The following UBN2 variants were observed in gnomAD, a reference collection of about 807,000 sequenced individuals.
UBN2 encodes ubinuclein 2, also known as ubinuclein-2.
UBN2 carries 35 observed loss-of-function variants against 120.2 expected under a neutral mutation model. The observed-to-expected ratio is 0.29, with a 90% CI of 0.22 to 0.39. The LOEUF is 0.39. Ranked by LOEUF, UBN2 falls within the 10% of genes least tolerant of loss-of-function variation. The pLI is 1.00. For missense variants in UBN2, 1,693 were observed against 1,663.2 expected (o/e 1.02, Z -0.31); for synonymous variants, 661 against 648.7 (o/e 1.02, Z -0.29).
At chr7:139,255,669 A>G (rs1465947054) in intron 3 of UBN2, among the ~76,000 whole-genome samples, 1 of 152,144 alleles carries the variant, frequency 6.6e-6, no homozygotes, top group East Asian at 1.9e-4. Context: ...TAAAACAACT[A>G]TGGTCGAACC....
chr7:139,284,116 G>A lies in UBN2; in HGVS notation c.3211G>A (p.Val1071Ile), dbSNP rs1313240829. The A allele has an allele frequency of 6.2e-7, 1 of 1,613,960 alleles. No homozygotes were observed. The highest frequency in any genetic ancestry group is 1.1e-5 in the South Asian group (1 of 91,080). The change falls in exon 15 of 18, where the codon GTA becomes ATA. Residue 1071 changes from valine to isoleucine, a missense_variant. Around this residue, in one of 5 missense-constraint regions of UBN2, gnomAD observed 837 missense variants for 817.6 expected, o/e 1.02. Coordinates refer to ENST00000473989, the MANE Select transcript of UBN2 (RefSeq NM_173569.4). ...GCCCTCTCTGTCAGCTAAGCCTTCA[G>A]TATCAACTAAACTTATTTCTAAATC... is the stretch of plus-strand genomic sequence containing the variant. ...PKPSLSAKPSVSTKLISKSNP... is the reference protein window; with the variant it reads ...PKPSLSAKPSISTKLISKSNP...
rs1798158503 is a variant in UBN2 at position 139,297,970 on chromosome 7, G to A, written c.*134G>A. 1 of 958,038 alleles carries A rather than the reference G, an allele frequency of 1.0e-6. No homozygotes were observed. The highest frequency in any genetic ancestry group is 1.7e-5 in the African/African-American group (1 of 60,108). The allele number at this position is 958,038 out of a possible 1,614,324, so 59.3% of individuals were successfully genotyped here. A position where few individuals can be genotyped will look rare whatever the true frequency, so the allele number is the denominator to read the frequency against. On this transcript the variant is annotated 3_prime_UTR_variant, in exon 18 of 18. Coordinates refer to ENST00000473989, the MANE Select transcript of UBN2 (RefSeq NM_173569.4). The stretch of plus-strand genomic sequence containing the variant: ...CTCTCGTCCCAAGCACTGTGGTGAG[G>A]AGGAAAAAGAAAAGAAAACATTACT...
chr7:139,238,800 A>G (rs1796232491), intron 2 of UBN2, among the ~76,000 whole-genome samples: 3 of 152,194 alleles, frequency 2.0e-5, no homozygotes, highest in Non-Finnish European at 2.9e-5. Flanking sequence ...CTGTGACTAT[A>G]TAATAATAAA....
chr7:139,287,134 T>TA (rs1298666938), intron 15 of UBN2, among the ~76,000 whole-genome samples: 1 of 152,216 alleles, frequency 6.6e-6, no homozygotes, highest in African/African-American at 2.4e-5. Context: ...AGATTGGAGT[T>TA]AGTCTGCATT....
chr7:139,259,520 T>G, intron 5 of UBN2, 150 bp downstream of exon 5: 1 of 1,104,138 alleles, frequency 9.1e-7, no homozygotes, highest in Non-Finnish European at 1.2e-6. Flanking sequence ...TTAATAGTAT[T>G]GTAGTATTTG....
chr7:139,289,155 T>G (rs1268586469), intron 15 of UBN2, among the ~76,000 whole-genome samples: 2 of 152,214 alleles, frequency 1.3e-5, no homozygotes, highest in Non-Finnish European at 1.5e-5. Flanking sequence ...TGCTGACTTC[T>G]TGTGCATGAT....
chr7:139,274,170 C>G, intron 11 of UBN2, 96 bp downstream of exon 11: 6 of 1,241,654 alleles, frequency 4.8e-6, no homozygotes, highest in Non-Finnish European at 6.5e-6. Context: ...ATTGATTTTG[C>G]TAAGAACCTA....
At position 139,283,065 on chromosome 7, in the gene UBN2, G is replaced by C; in HGVS notation, c.2160G>C (p.Leu720=). The change falls in exon 15 of 18, where the codon CTG becomes CTC. Residue 720 remains leucine, a synonymous_variant. Transcript: ENST00000473989. The stretch of plus-strand genomic sequence containing the variant: ...AGGACCAGAAAACTCCAACATCCCT[G>C]GTGGCTTCGGTTAGCGGTCCTCCAA... The part of the protein sequence containing the change: ...PKKDQKTPTS[L]VASVSGPPTS... 3.7e-6 allele frequency: 6 copies of C among 1,611,994 alleles called. No homozygotes were observed. Among genetic ancestry groups the C allele is most frequent in the Non-Finnish European group, 5.1e-6 (6 of 1,179,468 alleles).
intron 3 of UBN2, among the ~76,000 whole-genome samples, chr7:139,254,747 C>G (rs1796712143): frequency 6.6e-6 from 1 of 152,200 alleles, no homozygotes; most frequent in South Asian, 2.1e-4. Flanking sequence ...ATCACATGTA[C>G]TCACACTTAC....
intron 2 of UBN2, among the ~76,000 whole-genome samples, chr7:139,247,263 A>T (rs1007251932): frequency 1.3e-5 from 2 of 152,184 alleles, no homozygotes; most frequent in Non-Finnish European, 2.9e-5. Context: ...CCATGTTAGC[A>T]TTTGATGTCA....
chr7:139,293,672 T>C, intron 16 of UBN2: 1 of 639,770 alleles, frequency 1.6e-6, no homozygotes, highest in Non-Finnish European at 2.7e-6. Context: ...TATACCACAT[T>C]TCCATCTTAA....
chr7:139,232,495 G>A (rs1796054448), intron 1 of UBN2, among the ~76,000 whole-genome samples: 1 of 152,192 alleles, frequency 6.6e-6, no homozygotes, highest in Non-Finnish European at 1.5e-5. Flanking sequence ...CTTAATCGAA[G>A]GGAATTTAAG....
At chr7:139,314,675 A>G in the UBN2 span, among the ~76,000 whole-genome samples, 7 of 151,822 alleles carry the variant, frequency 4.6e-5, no homozygotes, top group Admixed American at 3.9e-4. Context: ...TAGTAGAGAC[A>G]GGGTCTCACC....
chr7:139,277,506 T>C (rs956754542), intron 12 of UBN2: 1 of 152,288 alleles, frequency 6.6e-6, no homozygotes, highest in African/African-American at 2.4e-5. Flanking sequence ...AGAGAAATTA[T>C]ATTTACTATT....
intron 12 of UBN2, 180 bp downstream of exon 12, chr7:139,276,327 A>G (rs1485643950): frequency 1.3e-5 from 8 of 623,198 alleles, no homozygotes; most frequent in East Asian, 3.0e-5. Context: ...CTCTCTAAAC[A>G]CCTACTAAAT....
chr7:139,318,927 GT>G, the UBN2 span, among the ~76,000 whole-genome samples: 253 of 152,270 alleles, frequency 1.7e-3, 5 homozygotes, highest in African/African-American at 5.7e-3. Context: ...TCTTGCGGGG[GT>G]GGTTCTCCAC....
intron 17 of UBN2, among the ~76,000 whole-genome samples, chr7:139,297,549 A>T (rs978161131): frequency 7.9e-5 from 12 of 152,186 alleles, no homozygotes; most frequent in Admixed American, 4.6e-4. Flanking sequence ...AATCATATTT[A>T]AAAAACACTG....
At chr7:139,265,646 T>A (rs763100739) in intron 6 of UBN2, among the ~76,000 whole-genome samples, 4 of 152,120 alleles carry the variant, frequency 2.6e-5, no homozygotes, top group Non-Finnish European at 5.9e-5. Context: ...CTATGGCCCA[T>A]AAATGCAATC....
At chr7:139,250,244 T>C (rs962062142) in intron 2 of UBN2, among the ~76,000 whole-genome samples, 1 of 151,940 alleles carries the variant, frequency 6.6e-6, no homozygotes, top group African/African-American at 2.4e-5. Flanking sequence ...TCATTTTTTT[T>C]CTTTTGGAGA....
Sources: gnomAD v4.1 joint callset for allele counts (sites outside exome capture counted in the v4.1 genomes callset) on GRCh38, gnomAD v4.1.1 for gene constraint, gnomAD v4.1.1 regional missense constraint, MANE v1.5 for transcripts, NCBI Gene and HGNC (gene_info 2026-07-23, HGNC 2026-07-21) for gene names.